LNX1: variants seen among roughly 807,000 people sequenced by gnomAD.
LNX1 encodes the protein E3 ubiquitin-protein ligase LNX.
Under a neutral mutation model 68.4 loss-of-function variants are expected in LNX1, and 54 were observed. That is an observed-to-expected ratio of 0.79 (90% CI 0.63 to 0.99). The LOEUF is 0.99. Ranked by LOEUF, LNX1 falls within the 50% of genes least tolerant of loss-of-function variation. The pLI, the probability that LNX1 is intolerant of heterozygous loss-of-function variation, is 0.00. For missense variants in LNX1, 906 were observed against 926.4 expected (o/e 0.98, Z 0.29); for synonymous variants, 336 against 350.0 (o/e 0.96, Z 0.45).
At chr4:53,488,546 A>G (rs879595799) in intron 6 of LNX1, among the ~76,000 whole-genome samples, 3 of 152,242 alleles carry the variant, frequency 2.0e-5, no homozygotes, top group African/African-American at 7.2e-5. Context: ...AGAGTGCAGT[A>G]GTTTTGTTGA....
chr4:53,461,320 A>ACTT, intron 10 of LNX1, 115 bp downstream of exon 10: 2 of 869,100 alleles, frequency 2.3e-6, no homozygotes, highest in Middle Eastern at 7.1e-4. Flanking sequence ...CTACGTACAT[A>ACTT]CTTTTAATCC....
Position 53,461,039 on chromosome 4 carries a change from A to G in LNX1, c.2055T>C (p.Cys685=). The change falls in exon 11 of 11, where the codon TGT becomes TGC. Residue 685 remains cysteine (C), a synonymous_variant. Transcript: ENST00000263925. ...CATTGACAGCAAGAAGAATATCACCACATCTAAAAAAAAAAACAAAACAAG... is the reference window on the plus strand; with the variant it reads ...CATTGACAGCAAGAAGAATATCACCGCATCTAAAAAAAAAAACAAAACAAG... ...TPAYNDGRIR[C]GDILLAVNGR... 1 of 1,556,306 alleles carries G rather than the reference A, an allele frequency of 6.4e-7. No homozygotes were observed.
chr4:53,535,905 T>C (rs1287348901), intron 2 of LNX1, among the ~76,000 whole-genome samples: 1 of 152,168 alleles, frequency 6.6e-6, no homozygotes, highest in East Asian at 1.9e-4. Flanking sequence ...AAAAGCACCA[T>C]CACACCCATT....
rs776879628 is a variant in LNX1, at chr4:53,460,945, T to A, written c.2149A>T (p.Thr717Ser). 5 of 1,611,010 alleles carry A rather than the reference T, an allele frequency of 3.1e-6. No homozygotes were observed. The highest frequency in any genetic ancestry group is 4.2e-6 in the Non-Finnish European group (5 of 1,178,650). Reference protein sequence around the residue: ...RLLKELKGRITLTIVSWPGTF... With the variant: ...RLLKELKGRISLTIVSWPGTF... The stretch of plus-strand genomic sequence containing the variant: ...CCAGGCCAAGAAACAATAGTTAGAG[T>A]AATTCTTCCTTTAAGTTCTTTCAGC... Residue 717 changes from threonine (T) to serine (S), a missense_variant, in exon 11 of 11, where the codon ACT (threonine) becomes TCT (serine). By Grantham distance (58) the Thr-to-Ser change is moderately conservative. Coordinates refer to ENST00000263925, the MANE Select transcript of LNX1 (RefSeq NM_001126328.3).
At chr4:53,584,322 T>A (rs1732029476) in intron 1 of LNX1, among the ~76,000 whole-genome samples, 1 of 152,194 alleles carries the variant, frequency 6.6e-6, no homozygotes, top group Non-Finnish European at 1.5e-5. Context: ...TGGGAGTTCC[T>A]GTAGGGAATT....
intron 2 of LNX1, among the ~76,000 whole-genome samples, chr4:53,561,067 A>AG (rs1730254393): frequency 4.6e-5 from 7 of 152,094 alleles, no homozygotes; most frequent in Non-Finnish European, 1.0e-4. Context: ...TTTTCACTAA[A>AG]CAAGGTTTAT....
chr4:53,622,069 C>A (rs1733901208), upstream of LNX1, among the ~76,000 whole-genome samples: 1 of 152,066 alleles, frequency 6.6e-6, no homozygotes, highest in Admixed American at 6.6e-5. Flanking sequence ...AAGCAATTTT[C>A]TTGACATTTT....
intron 2 of LNX1, among the ~76,000 whole-genome samples, chr4:53,568,107 A>G (rs1488903687): frequency 2.6e-5 from 4 of 152,276 alleles, no homozygotes; most frequent in East Asian, 1.9e-4. Context: ...AACTATTCCA[A>G]TTGATAGAAA....
chr4:53,609,177 T>C (rs527813968), intron 2 of LNX1, among the ~76,000 whole-genome samples: 18 of 152,154 alleles, frequency 1.2e-4, no homozygotes, highest in Middle Eastern at 3.4e-3. Context: ...CCGATGTTTA[T>C]TACCTGGCTG....
In LNX1 at chr4:53,508,065, G is replaced by T; in HGVS notation, c.543C>A (p.Asn181Lys). The change falls in exon 3 of 11, where the codon AAC becomes AAA. Residue 181 changes from asparagine (N) to lysine (K), a missense_variant. By Grantham distance (94) the Asn-to-Lys change is moderately conservative (BLOSUM62 0). Coordinates refer to ENST00000263925, the MANE Select transcript of LNX1 (RefSeq NM_001126328.3). ...SLMTDEPGLD[N>K]PAYVSSAEDG... ...CCTCTGCCGAGGACACGTAGGCAGG[G>T]TTGTCTAGGCCAGGCTCGTCTGTCA... is the stretch of plus-strand genomic sequence containing the variant. 6.2e-7 allele frequency: 1 copy of T among 1,614,202 alleles called. No individual in the cohort carries two copies. Among genetic ancestry groups the T allele is most frequent in the Non-Finnish European group, 8.5e-7 (1 of 1,180,030 alleles).
chr4:53,547,703 G>A (rs1265455861), intron 2 of LNX1, among the ~76,000 whole-genome samples: 3 of 152,204 alleles, frequency 2.0e-5, no homozygotes, highest in African/African-American at 7.2e-5. Context: ...CTCTGGGTAT[G>A]CAAGAGTTAA....
chr4:53,491,063 T>C (rs1724643510), intron 6 of LNX1, among the ~76,000 whole-genome samples: 1 of 152,230 alleles, frequency 6.6e-6, no homozygotes, highest in Non-Finnish European at 1.5e-5. Flanking sequence ...TGCTCTTCTG[T>C]TATTAATCTA....
At chr4:53,642,248 T>TCAAAGCAG (rs1404851807) in intron 1 of LNX1, among the ~76,000 whole-genome samples, 3 of 130,648 alleles carry the variant, frequency 2.3e-5, no homozygotes, top group African/African-American at 8.6e-5. Flanking sequence ...AAAAAAAAGG[T>TCAAAGCAG]CAAAGCAGGC....
At chr4:53,489,248 T>A (rs1471406275) in intron 6 of LNX1, among the ~76,000 whole-genome samples, 1 of 152,096 alleles carries the variant, frequency 6.6e-6, no homozygotes, top group Non-Finnish European at 1.5e-5. Flanking sequence ...GTAAATAGGA[T>A]CTTAAGATTT....
chr4:53,625,297 G>A (rs1357420402), intron 1 of LNX1, among the ~76,000 whole-genome samples: 1 of 152,144 alleles, frequency 6.6e-6, no homozygotes, highest in East Asian at 1.9e-4. Context: ...CATGGAATGT[G>A]AGAACATATT....
intron 2 of LNX1, among the ~76,000 whole-genome samples, chr4:53,597,988 TC>T (rs1732830111): frequency 2.6e-5 from 4 of 152,060 alleles, no homozygotes. Context: ...GGCAAAAAAA[TC>T]CCATGAACTA....
chr4:53,575,977 A>G (rs1731463636), intron 1 of LNX1: 1 of 1,561,208 alleles, frequency 6.4e-7, no homozygotes, highest in Non-Finnish European at 8.6e-7. Context: ...ACTGGCAGGC[A>G]TGCACACGCT....
intron 2 of LNX1, among the ~76,000 whole-genome samples, chr4:53,522,057 C>T (rs573056734): frequency 1.3e-5 from 2 of 152,288 alleles, no homozygotes; most frequent in African/African-American, 4.8e-5. Context: ...GATCTCCCAA[C>T]TAGCTAGACT....
Position 53,508,151 on chromosome 4 carries a change from C to A in LNX1, c.457G>T (p.Ala153Ser). 6.2e-7 allele frequency: 1 copy of A among 1,614,166 alleles called. No homozygotes were observed. The highest frequency in any genetic ancestry group is 8.5e-7 in the Non-Finnish European group (1 of 1,180,028). Reference protein sequence around the residue: ...RSQDGCPDGCASLTATAPSPE... With the variant: ...RSQDGCPDGCSSLTATAPSPE... ...GAGGGAGCCGTGGCTGTGAGGCTCG[C>A]ACAGCCGTCTGGACAGCCATCTTGT... Residue 153 changes from alanine (A) to serine (S), a missense_variant, in exon 3 of 11, where the codon GCG (alanine) becomes TCG (serine). Transcript: ENST00000263925.
Sources: gnomAD v4.1 joint callset for allele counts (sites outside exome capture counted in the v4.1 genomes callset) on GRCh38, gnomAD v4.1.1 for gene constraint, MANE v1.5 for transcripts, NCBI Gene and HGNC (gene_info 2026-07-23, HGNC 2026-07-21) for gene names.